Variants in SPOCK3 observed in about 807,000 individuals in gnomAD.
SPOCK3 encodes testican-3.
A neutral mutation model predicts 56.6 loss-of-function variants in SPOCK3; 30 were observed. The ratio of observed to expected loss-of-function variants is 0.53; its 90% confidence interval spans 0.40 to 0.72. The LOEUF (loss-of-function observed/expected upper bound fraction) is 0.72, where lower values mean the gene tolerates loss of function less well. Among genes scored for constraint, SPOCK3 ranks in the 30% least tolerant of loss-of-function variants. The pLI, the probability that SPOCK3 is intolerant of heterozygous loss-of-function variation, is 0.00. For missense variants in SPOCK3, 527 were observed against 530.0 expected (o/e 0.99, Z 0.06); for synonymous variants, 196 against 183.3 (o/e 1.07, Z -0.56).
chr4:166,869,526 T>A (rs1732232101), intron 6 of SPOCK3, among the ~76,000 whole-genome samples: 1 of 151,870 alleles, frequency 6.6e-6, no homozygotes, highest in African/African-American at 2.4e-5. Context: ...TTACACTGAG[T>A]CACAGTGCCA....
chr4:167,090,716 T>C (rs1420833755), intron 2 of SPOCK3, among the ~76,000 whole-genome samples: 1 of 152,132 alleles, frequency 6.6e-6, no homozygotes, highest in African/African-American at 2.4e-5. Context: ...TTGGTCAGGC[T>C]GGTGTCAAAC....
At chr4:166,997,811 G>C (rs1208584773) in intron 4 of SPOCK3, among the ~76,000 whole-genome samples, 1 of 152,180 alleles carries the variant, frequency 6.6e-6, no homozygotes, top group African/African-American at 2.4e-5. Context: ...TATTCCCCTT[G>C]CAGGAAGAAA....
At chr4:167,065,345 A>G (rs530658778) in intron 2 of SPOCK3, among the ~76,000 whole-genome samples, 2 of 152,004 alleles carry the variant, frequency 1.3e-5, no homozygotes, top group South Asian at 4.1e-4. Context: ...GCAACACTGA[A>G]CACCTGCAGA....
rs1042747429 is a variant in SPOCK3 at position 167,193,030 on chromosome 4, A to G, written c.189+40955T>C. On this transcript the variant is annotated intron_variant, in intron 2 of 10. Transcript: ENST00000357545. ...ACCCAACGTATGATCTATCTTGGAAAATGTTCTGTGTGAGCTTGAGAAGAA... is the reference window on the plus strand; with the variant it reads ...ACCCAACGTATGATCTATCTTGGAAGATGTTCTGTGTGAGCTTGAGAAGAA... Among the ~76,000 whole-genome samples, 78 of 145,916 alleles carry G rather than the reference A, an allele frequency of 5.3e-4. 14 individuals carry two copies. The highest frequency in any genetic ancestry group is 1.2e-4 in the Non-Finnish European group (8 of 66,912).
chr4:167,062,787 T>C (rs1313908833), intron 2 of SPOCK3: 1 of 475,248 alleles, frequency 2.1e-6, no homozygotes, highest in Non-Finnish European at 3.8e-6. Context: ...TTCATTTTCA[T>C]TGCAAGTCAA....
At chr4:166,927,784 TGAG>T (rs1019142626) in intron 4 of SPOCK3, among the ~76,000 whole-genome samples, 8 of 151,822 alleles carry the variant, frequency 5.3e-5, no homozygotes, top group African/African-American at 1.9e-4. Flanking sequence ...AAGAGAATGA[TGAG>T]GAGACAAGCC....
chr4:166,840,841 C>G (rs1367830095), intron 6 of SPOCK3, among the ~76,000 whole-genome samples: 1 of 132,026 alleles, frequency 7.6e-6, no homozygotes, highest in Non-Finnish European at 1.5e-5. Flanking sequence ...TGCAGTGGCG[C>G]AATCTCGGGT....
intron 2 of SPOCK3, among the ~76,000 whole-genome samples, chr4:167,083,423 G>A (rs116764073): frequency 0.012 from 1,859 of 152,208 alleles, 21 homozygotes; most frequent in Non-Finnish European, 0.018. Context: ...GCCCACTGAC[G>A]TGGCCTTTCC....
At chr4:166,860,344 A>C (rs887868407) in intron 6 of SPOCK3, among the ~76,000 whole-genome samples, 2 of 152,104 alleles carry the variant, frequency 1.3e-5, no homozygotes, top group African/African-American at 4.8e-5. Flanking sequence ...TTATTCAGGA[A>C]AATTTTTTAT....
At chr4:167,156,217 C>T (rs899706379) in intron 2 of SPOCK3, among the ~76,000 whole-genome samples, 1 of 152,134 alleles carries the variant, frequency 6.6e-6, no homozygotes, top group Non-Finnish European at 1.5e-5. Context: ...GTGCTATCCA[C>T]ATTCCAAGTA....
intron 2 of SPOCK3, among the ~76,000 whole-genome samples, chr4:167,100,925 T>C (rs986930548): frequency 6.6e-6 from 1 of 152,156 alleles, no homozygotes; most frequent in African/African-American, 2.4e-5. Context: ...ACCCCAAATG[T>C]GTTACCATCA....
intron 6 of SPOCK3, among the ~76,000 whole-genome samples, chr4:166,815,651 G>T (rs1744305839): frequency 6.6e-6 from 1 of 151,890 alleles, no homozygotes; most frequent in Non-Finnish European, 1.5e-5. Context: ...TTGGTGGTGG[G>T]CACCTATAAG....
intron 6 of SPOCK3, among the ~76,000 whole-genome samples, chr4:166,845,939 A>G (rs143869300): frequency 6.6e-6 from 1 of 152,258 alleles, no homozygotes; most frequent in African/African-American, 2.4e-5. Context: ...GGTAAAAGCT[A>G]TTGCTGCTAG....
At chr4:166,844,886 A>C (rs1747895559) in intron 6 of SPOCK3, among the ~76,000 whole-genome samples, 1 of 152,214 alleles carries the variant, frequency 6.6e-6, no homozygotes, top group African/African-American at 2.4e-5. Flanking sequence ...ATAGTTGCTC[A>C]AAATATGCTG....
chr4:167,208,533 G>T (rs1734566390), intron 2 of SPOCK3, among the ~76,000 whole-genome samples: 1 of 152,012 alleles, frequency 6.6e-6, no homozygotes, highest in Non-Finnish European at 1.5e-5. Context: ...AGACTTACTA[G>T]CTATGTTATC....
At chr4:166,893,793 T>C (rs1735047751) in intron 5 of SPOCK3, among the ~76,000 whole-genome samples, 1 of 152,134 alleles carries the variant, frequency 6.6e-6, no homozygotes, top group African/African-American at 2.4e-5. Context: ...CTGACTAATG[T>C]ATTATATTTT....
intron 3 of SPOCK3, among the ~76,000 whole-genome samples, chr4:167,050,955 T>C (rs903000443): frequency 1.3e-5 from 2 of 152,108 alleles, no homozygotes; most frequent in African/African-American, 4.8e-5. Context: ...CCCAATAAAC[T>C]GAAGATAGTC....
At position 167,097,567 on chromosome 4, in the gene SPOCK3, T is replaced by G. The variant is rs560510733; in HGVS notation, c.190-35030A>C. 3.0e-4 allele frequency among the ~76,000 whole-genome samples: 45 copies of G among 151,908 alleles called. 1 individual carries two copies. The South Asian group carries it at 9.1e-3, about 31-fold the overall frequency. ...TTTTTTTTAATTTCAACTTTAATTT[T>G]TAATTCAAGGGGTACATGTGCAGAT... is the stretch of plus-strand genomic sequence containing the variant. On this transcript the variant is annotated intron_variant, in intron 2 of 10. Coordinates refer to ENST00000357545, the MANE Select transcript of SPOCK3 (RefSeq NM_001040159.2).
At chr4:166,917,143 CA>C (rs1737948403) in intron 4 of SPOCK3, among the ~76,000 whole-genome samples, 1 of 151,922 alleles carries the variant, frequency 6.6e-6, no homozygotes, top group South Asian at 2.1e-4. Context: ...AAGCTATCTA[CA>C]AATAAAATAA....
Sources: gnomAD v4.1 joint callset for allele counts (sites outside exome capture counted in the v4.1 genomes callset) on GRCh38, gnomAD v4.1.1 for gene constraint, MANE v1.5 for transcripts, NCBI Gene and HGNC (gene_info 2026-07-23, HGNC 2026-07-21) for gene names.